Variants in MTUS1 observed in about 807,000 individuals in gnomAD.
The protein encoded by MTUS1 is microtubule associated scaffold protein 1.
MTUS1 carries 109 observed loss-of-function variants against 120.8 expected under a neutral mutation model. The observed-to-expected ratio is 0.90, with a 90% CI of 0.77 to 1.06. The LOEUF (loss-of-function observed/expected upper bound fraction) is 1.06, where lower values mean the gene tolerates loss of function less well. Among genes scored for constraint, MTUS1 ranks in the 50% least tolerant of loss-of-function variants. The pLI is 0.00. For missense variants in MTUS1, 2,210 were observed against 1,486.3 expected, an observed-to-expected ratio of 1.49 and a Z score of -8.01; for synonymous variants, 737 against 550.5, an observed-to-expected ratio of 1.34 and a Z score of -4.74.
At chr8:17,793,762 G>A (rs988892396) in intron 1 of MTUS1, among the ~76,000 whole-genome samples, 1 of 152,124 alleles carries the variant, frequency 6.6e-6, no homozygotes, top group Admixed American at 6.5e-5. Flanking sequence ...TAATGACAAG[G>A]ATGCTTTATA....
In MTUS1 at chr8:17,742,354, C is replaced by T. The variant is rs148518698; in HGVS notation, c.2287+1250G>A. ...ATGTTGCCCAGGCTGGTCCTGAACT[C>T]CTGGCCCACTTTGGCTTCCTAAAGC... On this transcript the variant is annotated intron_variant, in intron 3 of 14. Transcript: ENST00000693296. Among the ~76,000 whole-genome samples the T allele has an allele frequency of 8.3e-3, 1,208 of 144,764 alleles. 17 individuals carry two copies. The highest frequency in any genetic ancestry group is 0.028 in the African/African-American group (1,116 of 39,370). 95.0% of individuals were successfully genotyped at this position (144,764 alleles called of 152,430 possible). A position where few individuals can be genotyped will look rare whatever the true frequency, so the allele number is the denominator to read the frequency against.
chr8:17,774,307 G>T (rs1283068302), intron 1 of MTUS1, among the ~76,000 whole-genome samples: 1 of 152,176 alleles, frequency 6.6e-6, no homozygotes, highest in Non-Finnish European at 1.5e-5. Context: ...CACCAGTTAG[G>T]ACTTTGTTTC....
chr8:17,662,535 T>C (rs975558881), intron 8 of MTUS1, among the ~76,000 whole-genome samples: 17 of 152,004 alleles, frequency 1.1e-4, no homozygotes, highest in African/African-American at 3.9e-4. Context: ...TTTTGTTTTT[T>C]AGTAGAGATG....
At chr8:17,748,879 T>C (rs1350713651) in intron 2 of MTUS1, among the ~76,000 whole-genome samples, 2 of 152,260 alleles carry the variant, frequency 1.3e-5, no homozygotes, top group African/African-American at 4.8e-5. Context: ...ATACATAGTA[T>C]GCACCCAATA....
At chr8:17,730,194 C>G (rs76400144) in intron 3 of MTUS1, among the ~76,000 whole-genome samples, 3,194 of 152,192 alleles carry the variant, frequency 0.021, 59 homozygotes, top group Non-Finnish European at 0.028. Flanking sequence ...GATGTGAAAG[C>G]AGGCCGGGGG....
At chr8:17,696,143 C>T (rs1414410424) in intron 6 of MTUS1, among the ~76,000 whole-genome samples, 8 of 152,116 alleles carry the variant, frequency 5.3e-5, no homozygotes, top group Admixed American at 2.0e-4. Flanking sequence ...GAGAGGAGGG[C>T]CACTGCTGAC....
chr8:17,768,662 TACAA>T (rs2049763291), intron 1 of MTUS1, among the ~76,000 whole-genome samples: 1 of 152,112 alleles, frequency 6.6e-6, no homozygotes. Flanking sequence ...AACATTTTTA[TACAA>T]ACAGTCAAAA....
chr8:17,649,727 A>G (rs1214455627), intron 13 of MTUS1, 119 bp downstream of exon 13: 1 of 662,700 alleles, frequency 1.5e-6, no homozygotes, highest in South Asian at 1.9e-5. Context: ...TATCTTTTGT[A>G]TAATTTCTAA....
chr8:17,675,278 T>C (rs1346727159), intron 7 of MTUS1, 26 bp from the exon 8 acceptor site: 3 of 1,611,164 alleles, frequency 1.9e-6, no homozygotes, highest in Non-Finnish European at 1.7e-6. Context: ...ATCAAGTTAC[T>C]CATGCTTTCA....
chr8:17,748,931 TACTC>T (rs1333051595), intron 2 of MTUS1, among the ~76,000 whole-genome samples: 1 of 152,194 alleles, frequency 6.6e-6, no homozygotes, highest in Non-Finnish European at 1.5e-5. Flanking sequence ...GTCTGAGCCT[TACTC>T]ACAGTGTGAA....
chr8:17,673,786 G>C (rs34097123), intron 8 of MTUS1, among the ~76,000 whole-genome samples: 96,301 of 151,800 alleles, frequency 0.63, 31,319 homozygotes, highest in East Asian at 0.82. Context: ...GTTCACTGCC[G>C]TTTGATTTCT....
intron 13 of MTUS1, 148 bp from the exon 14 acceptor site, chr8:17,647,227 T>C: frequency 1.7e-6 from 1 of 601,700 alleles, no homozygotes; most frequent in Admixed American, 3.2e-5. Flanking sequence ...CTAACAAACA[T>C]ACTGAAAAAG....
chr8:17,678,579 T>G (rs7459632), intron 7 of MTUS1, among the ~76,000 whole-genome samples: 2 of 151,980 alleles, frequency 1.3e-5, no homozygotes, highest in Non-Finnish European at 1.5e-5. Flanking sequence ...TTGCAGAGAA[T>G]AGCCACATCA....
At chr8:17,796,986 C>G (rs2052294173) in intron 1 of MTUS1, among the ~76,000 whole-genome samples, 1 of 150,618 alleles carries the variant, frequency 6.6e-6, no homozygotes, top group African/African-American at 2.4e-5. Flanking sequence ...GTGGCGCACA[C>G]CTGTAATCCC....
intron 6 of MTUS1, among the ~76,000 whole-genome samples, chr8:17,692,510 A>G (rs1049339285): frequency 5.9e-5 from 9 of 152,214 alleles, no homozygotes; most frequent in African/African-American, 2.2e-4. Flanking sequence ...TCCATCTAAA[A>G]AGAGTCAAAA....
chr8:17,686,976 A>G (rs1363138675), intron 6 of MTUS1, among the ~76,000 whole-genome samples: 5 of 152,222 alleles, frequency 3.3e-5, no homozygotes, highest in Non-Finnish European at 7.3e-5. Context: ...CATTTTTTAT[A>G]TAATACTTAG....
At chr8:17,737,130 T>C (rs2046992585) in intron 3 of MTUS1, among the ~76,000 whole-genome samples, 2 of 152,198 alleles carry the variant, frequency 1.3e-5, no homozygotes, top group African/African-American at 2.4e-5. Context: ...GACTTCTGCA[T>C]GCACGTAAAG....
At chr8:17,706,668 C>T (rs1820229840) in intron 6 of MTUS1, among the ~76,000 whole-genome samples, 1 of 152,092 alleles carries the variant, frequency 6.6e-6, no homozygotes, top group Non-Finnish European at 1.5e-5. Flanking sequence ...ATTGTGATTT[C>T]CTGATACTAC....
In MTUS1 at chr8:17,755,377, T is replaced by C. The variant is rs1402560194; in HGVS notation, c.431A>G (p.Asp144Gly). 3 of 1,614,050 alleles carry C rather than the reference T, an allele frequency of 1.9e-6. No individual in the cohort carries two copies. Among genetic ancestry groups the C allele is most frequent in the African/African-American group, 2.7e-5 (2 of 74,942 alleles). Residue 144 changes from aspartate (D) to glycine (G), a missense_variant, in exon 2 of 15, where the codon GAC (aspartate) becomes GGC (glycine). Coordinates refer to ENST00000693296, the MANE Select transcript of MTUS1 (RefSeq NM_001363059.2). Reference sequence around the variant, plus strand: ...ACAGTAGCCTGCACAGTTCAAATTGTCATTAGGCTTCCACACAAAAGGCAA... The same window carrying C: ...ACAGTAGCCTGCACAGTTCAAATTGCCATTAGGCTTCCACACAAAAGGCAA... ...PSLPFVWKPN[D>G]NLNCAGYCDA...
Sources: gnomAD v4.1 joint callset for allele counts (sites outside exome capture counted in the v4.1 genomes callset) on GRCh38, gnomAD v4.1.1 for gene constraint, MANE v1.5 for transcripts, NCBI Gene and HGNC (gene_info 2026-07-23, HGNC 2026-07-21) for gene names.